RREB1: variants seen among roughly 807,000 people sequenced by gnomAD.
RREB1 encodes ras responsive element binding protein 1.
Under a neutral mutation model 117.8 loss-of-function variants are expected in RREB1, and 27 were observed. The ratio of observed to expected loss-of-function variants is 0.23; its 90% CI spans 0.17 to 0.32. The LOEUF (loss-of-function observed/expected upper bound fraction) is 0.32. Among genes scored for constraint, RREB1 ranks in the 10% least tolerant of loss-of-function variants. The pLI is 1.00. For synonymous variants in RREB1, 1,298 were observed against 1,026.7 expected (o/e 1.26, Z -5.05); for missense variants, 2,577 against 2,378.2 (o/e 1.08, Z -1.74).
intron 1 of RREB1, among the ~76,000 whole-genome samples, chr6:7,115,028 G>A (rs927518485): frequency 2.7e-5 from 4 of 149,292 alleles, no homozygotes; most frequent in Non-Finnish European, 5.9e-5. Flanking sequence ...GCCCTTACTT[G>A]CTTAACAGTT....
Position 7,130,699 on chromosome 6 carries a change from C to T in RREB1, c.-285+22639C>T, listed in dbSNP as rs1203286869. Among the ~76,000 whole-genome samples, 7 of 151,630 alleles carry T rather than the reference C, an allele frequency of 4.6e-5. No individual in the cohort carries two copies. In the East Asian group the frequency reaches 1.4e-3, roughly 29 times the overall value. On this transcript the variant is annotated intron_variant, in intron 1 of 12. Coordinates refer to ENST00000379938, the MANE Select transcript of RREB1 (RefSeq NM_001003699.4). ...TGGCGTGATCTTGGCTCACTGCAAC[C>T]TCTGCCTCCTGGGTTCAAGCAATTC...
intron 1 of RREB1, among the ~76,000 whole-genome samples, chr6:7,163,673 C>T (rs1048941678): frequency 1.3e-5 from 2 of 152,152 alleles, no homozygotes; most frequent in Non-Finnish European, 2.9e-5. Context: ...GGATTACAGG[C>T]GTGAGCCACC....
intron 1 of RREB1, among the ~76,000 whole-genome samples, chr6:7,150,633 G>A (rs572783943): frequency 6.6e-5 from 10 of 152,294 alleles, no homozygotes; most frequent in African/African-American, 2.2e-4. Flanking sequence ...ATAGGAATTC[G>A]TTGTCTGACT....
Position 7,189,066 on chromosome 6 carries a change from GT to G in RREB1, c.262-86del, listed in dbSNP as rs376954952. 948 of 1,279,374 alleles carry G rather than the reference GT, an allele frequency of 7.4e-4. 7 individuals carry two copies. Among genetic ancestry groups the G allele is most frequent in the African/African-American group, 5.6e-3 (368 of 65,872 alleles). The allele number at this position is 1,279,374 out of a possible 1,614,324, so 79.3% of individuals were successfully genotyped here. A position where few individuals can be genotyped will look rare whatever the true frequency, so the allele number is the denominator to read the frequency against. On this transcript the variant is annotated intron_variant, in intron 5 of 12. Coordinates refer to ENST00000379938, the MANE Select transcript of RREB1 (RefSeq NM_001003699.4). The stretch of plus-strand genomic sequence containing the variant: ...AACACATAGCCAAGAAAGTTGATTG[GT>G]TTTTTTAATAAAGCTCTGGATCTGC...
Position 7,246,593 on chromosome 6 carries a change from G to T in RREB1, c.4143G>T (p.Glu1381Asp). The change falls in exon 12 of 13, where the codon GAG (glutamate) becomes GAT (aspartate). Residue 1381 changes from glutamate (E) to aspartate (D), a missense_variant. Coordinates refer to ENST00000379938, the MANE Select transcript of RREB1 (RefSeq NM_001003699.4). Reference sequence around the variant, plus strand: ...CGGCCTCGCCGGTGCACCGGGAAGAGCACGGGCGTGGGGAGAGCCATGAGC... The same window carrying T: ...CGGCCTCGCCGGTGCACCGGGAAGATCACGGGCGTGGGGAGAGCCATGAGC... Reference protein sequence around the residue: ...AETASPVHREEHGRGESHEPE... With the variant: ...AETASPVHREDHGRGESHEPE... 6.4e-7 allele frequency: 1 copy of T among 1,555,872 alleles called. No individual in the cohort carries two copies.
chr6:7,168,518 C>T (rs767597780), intron 1 of RREB1, among the ~76,000 whole-genome samples: 17 of 152,142 alleles, frequency 1.1e-4, no homozygotes, highest in Non-Finnish European at 2.5e-4. Context: ...CTTGAAGACT[C>T]CTGGGGACAG....
At position 7,211,780 on chromosome 6, in the gene RREB1, C is replaced by T. The variant is rs1370990513; in HGVS notation, c.707+71C>T. 6.7e-6 allele frequency: 10 copies of T among 1,493,476 alleles called. No individual in the cohort carries two copies. In the African/African-American group the frequency reaches 9.7e-5, roughly 14 times the overall value. The allele number at this position is 1,493,476 out of a possible 1,614,324, so 92.5% of individuals were successfully genotyped here. A position where few individuals can be genotyped will look rare whatever the true frequency, so the allele number is the denominator to read the frequency against. On this transcript the variant is annotated intron_variant, in intron 8 of 12. Coordinates refer to ENST00000379938, the MANE Select transcript of RREB1 (RefSeq NM_001003699.4). The stretch of plus-strand genomic sequence containing the variant: ...GGCATGTGACAATGTTCTTAAGTCC[C>T]GTTACTCCACACCGGGCTCCAGTGA...
At chr6:7,247,349 T>G in intron 12 of RREB1, 128 bp downstream of exon 12, 1 of 814,412 alleles carries the variant, frequency 1.2e-6, no homozygotes, top group Non-Finnish European at 1.9e-6. Context: ...GGTGTGCCCT[T>G]TAAGCCCGTG....
intron 1 of RREB1, among the ~76,000 whole-genome samples, chr6:7,166,120 G>A (rs1763916296): frequency 6.6e-6 from 1 of 152,120 alleles, no homozygotes; most frequent in Non-Finnish European, 1.5e-5. Flanking sequence ...GAGAGCCTGT[G>A]TGCCTCACAC....
At chr6:7,221,084 T>C (rs1767220015) in intron 8 of RREB1, among the ~76,000 whole-genome samples, 1 of 152,204 alleles carries the variant, frequency 6.6e-6, no homozygotes, top group Non-Finnish European at 1.5e-5. Flanking sequence ...TCCAAGTGTT[T>C]CTGGGTGGTG....
intron 10 of RREB1, among the ~76,000 whole-genome samples, chr6:7,238,197 A>T (rs1768464675): frequency 6.6e-6 from 1 of 152,188 alleles, no homozygotes; most frequent in African/African-American, 2.4e-5. Flanking sequence ...AAATTATTAA[A>T]TACTGTGTTC....
Position 7,230,289 on chromosome 6 carries a change from C to G in RREB1, c.2190C>G (p.Ile730Met), listed in dbSNP as rs199932819. The G allele has an allele frequency of 6.3e-7, 1 of 1,594,694 alleles. No individual in the cohort carries two copies. Residue 730 changes from isoleucine (I) to methionine (M), a missense_variant, in exon 10 of 13, where the codon ATC becomes ATG. Transcript: ENST00000379938. ...KKHLKATRKD[I>M]EKNIEYVSSS... ...ACCTCAAGGCCACCCGCAAGGATAT[C>G]GAGAAGAACATCGAGTATGTGAGTA...
intron 10 of RREB1, among the ~76,000 whole-genome samples, chr6:7,235,774 G>A (rs555902399): frequency 6.6e-5 from 10 of 152,276 alleles, no homozygotes; most frequent in South Asian, 6.2e-4. Flanking sequence ...CTCAAAACAC[G>A]TGTTCTCCAG....
intron 1 of RREB1, among the ~76,000 whole-genome samples, chr6:7,157,643 G>A (rs767796197): frequency 3.9e-5 from 6 of 151,902 alleles, no homozygotes; most frequent in Non-Finnish European, 7.4e-5. Context: ...GTGGTGGTGC[G>A]CACCTGTGGT....
intron 1 of RREB1, among the ~76,000 whole-genome samples, chr6:7,137,480 T>A (rs560168487): frequency 1.3e-5 from 2 of 152,334 alleles, no homozygotes; most frequent in South Asian, 4.1e-4. Context: ...AAAGTATGGT[T>A]TGCTAACATG....
At chr6:7,188,264 C>T (rs958987581) in intron 5 of RREB1, among the ~76,000 whole-genome samples, 11 of 148,046 alleles carry the variant, frequency 7.4e-5, no homozygotes, top group African/African-American at 1.5e-4. Flanking sequence ...CGCGCGCGCA[C>T]GTGTGTGACG....
At chr6:7,168,441 TC>T (rs939428092) in intron 1 of RREB1, among the ~76,000 whole-genome samples, 2 of 152,176 alleles carry the variant, frequency 1.3e-5, no homozygotes, top group African/African-American at 2.4e-5. Flanking sequence ...TAACCTGGTC[TC>T]CCACCCATTG....
intron 1 of RREB1, among the ~76,000 whole-genome samples, chr6:7,145,295 C>T (rs1386536767): frequency 6.6e-6 from 1 of 152,210 alleles, no homozygotes; most frequent in South Asian, 2.1e-4. Context: ...TGAGCAAAGT[C>T]TCCTTGGACT....
intron 10 of RREB1, among the ~76,000 whole-genome samples, chr6:7,237,179 G>C (rs1581585569): frequency 6.6e-6 from 1 of 151,946 alleles, no homozygotes; most frequent in African/African-American, 2.4e-5. Context: ...TCTGCCTCCC[G>C]GGTTCAAGCG....
Sources: gnomAD v4.1 joint callset for allele counts (sites outside exome capture counted in the v4.1 genomes callset) on GRCh38, gnomAD v4.1.1 for gene constraint, MANE v1.5 for transcripts, NCBI Gene and HGNC (gene_info 2026-07-23, HGNC 2026-07-21) for gene names.